IQCH: variants seen among roughly 807,000 people sequenced by gnomAD.
The protein encoded by IQCH is IQ domain-containing protein H.
In IQCH, 98 loss-of-function variants were observed where a neutral mutation model predicts 117.0. That is an observed-to-expected ratio of 0.84 (90% CI 0.71 to 0.99). IQCH has a LOEUF of 0.99. Among genes scored for constraint, IQCH ranks in the 50% least tolerant of loss-of-function variants. The probability of loss-of-function intolerance (pLI) is 0.00; values close to 1 mark genes in which losing one functional copy is unlikely to be tolerated. For synonymous variants in IQCH, 412 were observed against 448.2 expected, an observed-to-expected ratio of 0.92 and a Z score of 1.02; for missense variants, 1,102 against 1,243.8, an observed-to-expected ratio of 0.89 and a Z score of 1.72.
intron 5 of IQCH, among the ~76,000 whole-genome samples, chr15:67,341,911 T>G (rs1256518557): frequency 6.6e-6 from 1 of 152,178 alleles, no homozygotes; most frequent in Non-Finnish European, 1.5e-5. Flanking sequence ...GACATTCTTA[T>G]CAGATTTCTA....
At chr15:67,448,157 CTGTGTGTGTG>C (rs113292992) in intron 16 of IQCH, among the ~76,000 whole-genome samples, 1 of 147,680 alleles carries the variant, frequency 6.8e-6, no homozygotes, top group South Asian at 2.2e-4. Context: ...CTAAGTGACT[CTGTGTGTGTG>C]TGTGTGTGTG....
chr15:67,456,718 G>C lies in IQCH; in HGVS notation c.2506-8409G>C, dbSNP rs2082665274. Among the ~76,000 whole-genome samples the C allele has an allele frequency of 6.6e-6, 1 of 151,680 alleles. No homozygotes were observed. Among genetic ancestry groups the C allele is most frequent in the Non-Finnish European group, 1.5e-5 (1 of 67,946 alleles). The stretch of plus-strand genomic sequence containing the variant: ...TTTTGCTGTTTTCTTTTCATATTTG[G>C]GAGCCAGGAACTCCCAAATATGGAT... On this transcript the variant is annotated intron_variant, in intron 16 of 20. Transcript: ENST00000335894. This position sits in a 1 kb window ranked among gnomAD's most constrained non-coding sequence, Gnocchi z 5.1.
chr15:67,374,570 C>G lies in IQCH; in HGVS notation c.1372+1137C>G, dbSNP rs141941410. On this transcript the variant is annotated intron_variant, in intron 10 of 20. Transcript: ENST00000335894. ...AAAATAAGGCAATCTTTTCTAGACT[C>G]TGGAGTACTTAGATCTAAGTACTTA... Among the ~76,000 whole-genome samples the G allele has an allele frequency of 4.6e-5, 7 of 152,216 alleles. No homozygotes were observed. The East Asian group carries it at 9.6e-4, about 21-fold the overall frequency.
At chr15:67,383,597 A>G (rs1180289561) in intron 10 of IQCH, among the ~76,000 whole-genome samples, 1 of 152,158 alleles carries the variant, frequency 6.6e-6, no homozygotes, top group Non-Finnish European at 1.5e-5. Flanking sequence ...GTTATCCACA[A>G]TACATCTTTC....
rs1033933207 is a variant in IQCH, at chr15:67,431,839, C to A, written c.2505+10262C>A. The stretch of plus-strand genomic sequence containing the variant: ...GGTGATGGAAAAAGGAAAAAAAGTT[C>A]TTTTAGCCTGGGCATCAAGACTCAT... On this transcript the variant is annotated intron_variant, in intron 16 of 20. Coordinates refer to ENST00000335894, the MANE Select transcript of IQCH (RefSeq NM_001031715.3). The surrounding 1 kb of genome is among the most constrained non-coding windows in gnomAD (Gnocchi z 4.8). Among the ~76,000 whole-genome samples the A allele has an allele frequency of 6.6e-6, 1 of 151,988 alleles. No individual in the cohort carries two copies. The highest frequency in any genetic ancestry group is 1.5e-5 in the Non-Finnish European group (1 of 67,984).
Position 67,473,197 on chromosome 15 carries a change from T to C in IQCH, c.2677-2499T>C, listed in dbSNP as rs1270171558. On this transcript the variant is annotated intron_variant, in intron 17 of 20. Transcript: ENST00000335894. This position sits in a 1 kb window ranked among gnomAD's most constrained non-coding sequence, Gnocchi z 4.9. ...GCAATTACATGCTCAGTAACCACAA[T>C]GGAATTTGAGAGTGTTTACAGTTCA... Among the ~76,000 whole-genome samples, 1 of 152,166 alleles carries C rather than the reference T, an allele frequency of 6.6e-6. No individual in the cohort carries two copies. The highest frequency in any genetic ancestry group is 2.4e-5 in the African/African-American group (1 of 41,456).
intron 13 of IQCH, among the ~76,000 whole-genome samples, chr15:67,397,849 A>G (rs958120202): frequency 1.3e-5 from 2 of 152,228 alleles, no homozygotes; most frequent in Non-Finnish European, 2.9e-5. Flanking sequence ...TAAATCTAGC[A>G]TGAACACAGT....
rs1271563968 is a variant in IQCH at position 67,385,843 on chromosome 15, T to A, written c.1456+824T>A. On this transcript the variant is annotated intron_variant, in intron 11 of 20. Coordinates refer to ENST00000335894, the MANE Select transcript of IQCH (RefSeq NM_001031715.3). This position sits in a 1 kb window ranked among gnomAD's most constrained non-coding sequence, Gnocchi z 4.6. ...TTCTTTGCTTTGTTAAAATACAATTTCTTTGGCCCTTATTTAAGAAAAACA... is the reference window on the plus strand; with the variant it reads ...TTCTTTGCTTTGTTAAAATACAATTACTTTGGCCCTTATTTAAGAAAAACA... Among the ~76,000 whole-genome samples, 1 of 152,234 alleles carries A rather than the reference T, an allele frequency of 6.6e-6. No homozygotes were observed. The highest frequency in any genetic ancestry group is 1.5e-5 in the Non-Finnish European group (1 of 68,050).
intron 16 of IQCH, among the ~76,000 whole-genome samples, chr15:67,464,110 T>C (rs779143223): frequency 9.2e-5 from 14 of 152,224 alleles, no homozygotes; most frequent in Non-Finnish European, 1.6e-4. Flanking sequence ...ATTACAGGTA[T>C]AAGCCACCGT....
rs1409853316 is a variant in IQCH at position 67,401,798 on chromosome 15, CAAAG to C, written c.2097+1497_2097+1500del. On this transcript the variant is annotated intron_variant, in intron 14 of 20. Transcript: ENST00000335894. The surrounding 1 kb of genome is among the most constrained non-coding windows in gnomAD (Gnocchi z 4.7). The stretch of plus-strand genomic sequence containing the variant: ...TTACTCTTCTAGATAAAGATAAAAA[CAAAG>C]AAAATGTATTTAATTTTGAGGCCCA... Among the ~76,000 whole-genome samples, 18 of 152,168 alleles carry C rather than the reference CAAAG, an allele frequency of 1.2e-4. No homozygotes were observed. The highest frequency in any genetic ancestry group is 4.3e-4 in the African/African-American group (18 of 41,540).
chr15:67,386,423 G>T lies in IQCH; in HGVS notation c.1456+1404G>T, dbSNP rs1216122933. Among the ~76,000 whole-genome samples, 2 of 151,916 alleles carry T rather than the reference G, an allele frequency of 1.3e-5. No homozygotes were observed. The highest frequency in any genetic ancestry group is 4.8e-5 in the African/African-American group (2 of 41,328). ...TTATGAACCAAATGCTTTTTTCTTGGTATATAGTCTTCATGATATAGCAAG... is the reference window on the plus strand; with the variant it reads ...TTATGAACCAAATGCTTTTTTCTTGTTATATAGTCTTCATGATATAGCAAG... On this transcript the variant is annotated intron_variant, in intron 11 of 20. Transcript: ENST00000335894. This position sits in a 1 kb window ranked among gnomAD's most constrained non-coding sequence, Gnocchi z 5.0.
chr15:67,344,443 T>C (rs931980370), intron 6 of IQCH, among the ~76,000 whole-genome samples: 7 of 152,194 alleles, frequency 4.6e-5, no homozygotes, highest in African/African-American at 1.7e-4. Flanking sequence ...TAACCAACTC[T>C]GTCTTTCATT....
Position 67,479,069 on chromosome 15 carries a change from T to TG in IQCH, c.2799+3253dup, listed in dbSNP as rs1317055442. ...GATGAGTTTTCATCTTTTCAGACCC[T>TG]GGTGTCCATCCCTGGTCAGGACTCT... On this transcript the variant is annotated intron_variant, in intron 18 of 20. Transcript: ENST00000335894. The surrounding 1 kb of genome is among the most constrained non-coding windows in gnomAD (Gnocchi z 4.6). Among the ~76,000 whole-genome samples the TG allele has an allele frequency of 6.6e-6, 1 of 152,252 alleles. No homozygotes were observed. The highest frequency in any genetic ancestry group is 1.9e-4 in the East Asian group (1 of 5,200).
chr15:67,313,623 G>A (rs759422034), intron 4 of IQCH, among the ~76,000 whole-genome samples: 2 of 152,168 alleles, frequency 1.3e-5, no homozygotes, highest in Non-Finnish European at 2.9e-5. Flanking sequence ...GAGTAACAGA[G>A]GATGGCTTAG....
chr15:67,480,165 G>A (rs1195905650), intron 18 of IQCH, among the ~76,000 whole-genome samples: 2 of 152,176 alleles, frequency 1.3e-5, no homozygotes, highest in Non-Finnish European at 1.5e-5. Context: ...CATTTCCTCT[G>A]GCCAGGGTAT....
At chr15:67,261,144 A>G in intron 1 of IQCH, 128 bp from the exon 2 acceptor site, 1 of 589,906 alleles carries the variant, frequency 1.7e-6, no homozygotes, top group Non-Finnish European at 2.8e-6. Context: ...GTCCTTTTCA[A>G]TGAATACCAT....
Position 67,400,234 on chromosome 15 carries a change from AAGTGCTAC to A in IQCH, c.2028_2035del (p.Cys677MetfsTer7). 1 of 1,613,632 alleles carries A rather than the reference AAGTGCTAC, an allele frequency of 6.2e-7. No individual in the cohort carries two copies. Among genetic ancestry groups the A allele is most frequent in the African/African-American group, 1.3e-5 (1 of 75,012 alleles). The stretch of plus-strand genomic sequence containing the variant: ...ATTTTGTGATATTCCTTCCTACCTA[AAGTGCTAC>A]AAATGGGTGCTAAAGGAGAGTAGCA... On this transcript the variant is annotated frameshift_variant, in exon 14 of 21. Transcript: ENST00000335894. LOFTEE classifies it high-confidence loss of function.
rs150041916 is a variant in IQCH, at chr15:67,454,621, T to G, written c.2506-10506T>G. Among the ~76,000 whole-genome samples, 109 of 152,322 alleles carry G rather than the reference T, an allele frequency of 7.2e-4. 2 individuals carry two copies. In the East Asian group the frequency reaches 0.017, roughly 23 times the overall value. On this transcript the variant is annotated intron_variant, in intron 16 of 20. Coordinates refer to ENST00000335894, the MANE Select transcript of IQCH (RefSeq NM_001031715.3). This position sits in a 1 kb window ranked among gnomAD's most constrained non-coding sequence, Gnocchi z 5.2. ...TTTTCCATCTCCATGGATTTCCCTA[T>G]TCTAGGCATTTTATATAAATGAGAT...
At position 67,385,341 on chromosome 15, in the gene IQCH, A is replaced by G. The variant is rs1236454213; in HGVS notation, c.1456+322A>G. ...ACTGAATCTTACAGTGAGTGAAGTC[A>G]AAGTTTTACATTTGTGTCAGTCTTG... On this transcript the variant is annotated intron_variant, in intron 11 of 20. Coordinates refer to ENST00000335894, the MANE Select transcript of IQCH (RefSeq NM_001031715.3). This position sits in a 1 kb window ranked among gnomAD's most constrained non-coding sequence, Gnocchi z 4.6. 6.6e-6 allele frequency among the ~76,000 whole-genome samples: 1 copy of G among 152,174 alleles called. No individual in the cohort carries two copies. Among genetic ancestry groups the G allele is most frequent in the Admixed American group, 6.6e-5 (1 of 15,262 alleles).
Sources: allele counts gnomAD v4.1 joint callset (sites outside exome capture counted in the v4.1 genomes callset), GRCh38; gene constraint gnomAD v4.1.1; non-coding constraint Gnocchi (gnomAD v3.1); transcripts MANE v1.5; gene names NCBI Gene and HGNC (gene_info 2026-07-23, HGNC 2026-07-21).